Variants in CYP2C19 observed in about 807,000 individuals in gnomAD.
CYP2C19 encodes the protein cytochrome P450 2C19.
Under a neutral mutation model 40.9 loss-of-function variants are expected in CYP2C19, and 59 were observed. That is an observed-to-expected ratio of 1.44 (90% confidence interval 1.17 to 1.79). The LOEUF is 1.79. Among genes scored for constraint, CYP2C19 ranks in the 40% most tolerant of loss-of-function variants. CYP2C19 has a pLI of 0.00. For missense variants in CYP2C19, 754 were observed against 596.9 expected (o/e 1.26, Z -2.74); for synonymous variants, 253 against 208.7 (o/e 1.21, Z -1.83).
At chr10:94,831,842 A>G (rs1849340628) in intron 6 of CYP2C19, among the ~76,000 whole-genome samples, 1 of 152,048 alleles carries the variant, frequency 6.6e-6, no homozygotes, top group Non-Finnish European at 1.5e-5. Context: ...ATTTTTCTCC[A>G]TTCTGTAGGT....
chr10:94,808,438 G>A (rs532068676), intron 5 of CYP2C19, among the ~76,000 whole-genome samples: 4 of 152,136 alleles, frequency 2.6e-5, no homozygotes, highest in East Asian at 1.9e-4. Context: ...ACAGACAATC[G>A]AATTATACTC....
At chr10:94,847,852 G>A (rs917765948) in intron 7 of CYP2C19, among the ~76,000 whole-genome samples, 4 of 152,056 alleles carry the variant, frequency 2.6e-5, no homozygotes, top group Admixed American at 2.6e-4. Flanking sequence ...TTTTTCAAGT[G>A]CTTTTGGCTG....
chr10:94,830,753 CTTT>C (rs1283363299), intron 6 of CYP2C19, among the ~76,000 whole-genome samples: 1 of 151,646 alleles, frequency 6.6e-6, no homozygotes, highest in East Asian at 1.9e-4. Context: ...ATCTTTTTTC[CTTT>C]TTTATTTTTT....
intron 6 of CYP2C19, among the ~76,000 whole-genome samples, chr10:94,838,528 T>A (rs1480991447): frequency 6.6e-6 from 1 of 152,152 alleles, no homozygotes; most frequent in African/African-American, 2.4e-5. Flanking sequence ...AAAAGGTACA[T>A]GCACTCTGGC....
At chr10:94,804,672 G>T (rs148973210) in intron 5 of CYP2C19, among the ~76,000 whole-genome samples, 107 of 152,162 alleles carry the variant, frequency 7.0e-4, no homozygotes, top group African/African-American at 2.5e-3. Flanking sequence ...TCACATAACG[G>T]GTCTGTACTT....
At chr10:94,827,586 A>G (rs1392819787) in intron 6 of CYP2C19, among the ~76,000 whole-genome samples, 3 of 151,642 alleles carry the variant, frequency 2.0e-5, no homozygotes, top group Non-Finnish European at 4.4e-5. Context: ...GTGGTCTATC[A>G]ATTTTGTTGA....
chr10:94,803,222 G>C (rs898402914), intron 5 of CYP2C19, among the ~76,000 whole-genome samples: 2 of 152,134 alleles, frequency 1.3e-5, no homozygotes, highest in Admixed American at 6.6e-5. Context: ...TCTGCAGATA[G>C]AATTGTTTTC....
intron 5 of CYP2C19, among the ~76,000 whole-genome samples, chr10:94,817,084 G>C (rs974566298): frequency 1.4e-5 from 2 of 142,128 alleles, no homozygotes; most frequent in African/African-American, 2.6e-5. Context: ...AGTCCTTTGG[G>C]TATATACCCA....
chr10:94,779,126 CA>C (rs1191537835), intron 3 of CYP2C19, among the ~76,000 whole-genome samples: 1 of 151,676 alleles, frequency 6.6e-6, no homozygotes, highest in Non-Finnish European at 1.5e-5. Flanking sequence ...GGTTGGGGGG[CA>C]AGGGGAGGGA....
chr10:94,780,785 TG>T (rs1423359432), intron 4 of CYP2C19, 126 bp downstream of exon 4: 8 of 1,025,018 alleles, frequency 7.8e-6, no homozygotes, highest in Non-Finnish European at 1.0e-5. Flanking sequence ...TAGACAGCCA[TG>T]GGGTGAATAT....
chr10:94,840,364 A>T (rs1222648260), intron 6 of CYP2C19, among the ~76,000 whole-genome samples: 2 of 151,520 alleles, frequency 1.3e-5, no homozygotes, highest in African/African-American at 4.9e-5. Context: ...AATGGGTCCC[A>T]CGTAACTGCC....
chr10:94,817,745 G>A (rs1376976542), intron 5 of CYP2C19, among the ~76,000 whole-genome samples: 1 of 152,020 alleles, frequency 6.6e-6, no homozygotes, highest in East Asian at 1.9e-4. Flanking sequence ...CGGGTGCGGT[G>A]GCTCACACCT....
chr10:94,826,173 A>AG (rs1056618152), intron 6 of CYP2C19, among the ~76,000 whole-genome samples: 3 of 151,960 alleles, frequency 2.0e-5, no homozygotes, highest in African/African-American at 7.3e-5. Context: ...ACTTTAAAGT[A>AG]GTTTTTTCCA....
At chr10:94,768,165 T>G (rs1036386988) in intron 1 of CYP2C19, among the ~76,000 whole-genome samples, 2 of 152,226 alleles carry the variant, frequency 1.3e-5, no homozygotes. Context: ...GATAAGCTAC[T>G]TGCTATTTGT....
rs553793850 is a variant in CYP2C19 at position 94,845,178 on chromosome 10, T to G, written c.1149+2154T>G. ...GGAGATAATAGTCTGAGAGAGGAGTTGGCAAACTGTTCCTGTAATGGGCCA... is the reference window on the plus strand; with the variant it reads ...GGAGATAATAGTCTGAGAGAGGAGTGGGCAAACTGTTCCTGTAATGGGCCA... On this transcript the variant is annotated intron_variant, in intron 7 of 8. Coordinates refer to ENST00000371321, the MANE Select transcript of CYP2C19 (RefSeq NM_000769.4). 1.1e-4 allele frequency among the ~76,000 whole-genome samples: 16 copies of G among 152,328 alleles called. No homozygotes were observed. In the East Asian group the frequency reaches 2.9e-3, roughly 27 times the overall value.
intron 6 of CYP2C19, 36 bp downstream of exon 6, chr10:94,820,673 G>A (rs1849103598): frequency 6.2e-7 from 1 of 1,613,554 alleles, no homozygotes; most frequent in South Asian, 1.1e-5. Flanking sequence ...TGAGTTTTAG[G>A]AAAGATGTTG....
At chr10:94,799,657 T>G (rs992699651) in intron 5 of CYP2C19, among the ~76,000 whole-genome samples, 4 of 152,224 alleles carry the variant, frequency 2.6e-5, no homozygotes, top group African/African-American at 9.6e-5. Context: ...TTTGGTCTTT[T>G]CACATAGTCC....
intron 6 of CYP2C19, among the ~76,000 whole-genome samples, chr10:94,824,782 A>G (rs1019869492): frequency 2.0e-5 from 3 of 149,036 alleles, no homozygotes; most frequent in African/African-American, 4.9e-5. Context: ...CATTAGGTAT[A>G]TCTCCCGATG....
At chr10:94,783,718 A>C (rs1260376153) in intron 5 of CYP2C19, among the ~76,000 whole-genome samples, 1 of 152,038 alleles carries the variant, frequency 6.6e-6, no homozygotes, top group Non-Finnish European at 1.5e-5. Flanking sequence ...TATTAATATC[A>C]ACTTATTAAA....
Sources: gnomAD v4.1 joint callset for allele counts (sites outside exome capture counted in the v4.1 genomes callset) on GRCh38, gnomAD v4.1.1 for gene constraint, MANE v1.5 for transcripts, NCBI Gene and HGNC (gene_info 2026-07-23, HGNC 2026-07-21) for gene names.